RAD52: variants seen among roughly 807,000 people sequenced by gnomAD.
RAD52 encodes DNA repair protein RAD52 homolog.
A neutral mutation model predicts 55.5 loss-of-function variants in RAD52; 47 were observed. That is an observed-to-expected ratio of 0.85 (90% CI 0.67 to 1.08). The LOEUF (loss-of-function observed/expected upper bound fraction) is 1.08. Ranked by LOEUF, RAD52 falls within the 50% of genes least tolerant of loss-of-function variation. The pLI is 0.00. For missense variants in RAD52, 468 were observed against 522.8 expected, an observed-to-expected ratio of 0.90 and a Z score of 1.02; for synonymous variants, 184 against 198.9, an observed-to-expected ratio of 0.92 and a Z score of 0.63.
Position 967,117 on chromosome 12 carries a change from G to T in RAD52, c.-19+22692C>A, listed in dbSNP as rs575961422. On this transcript the variant is annotated intron_variant, in intron 1 of 11. Transcript: ENST00000430095. The stretch of plus-strand genomic sequence containing the variant: ...ATGTGGTCTGGACACAGTGGCTCAT[G>T]CCTATAATCCCAGCACTTTGGAAGG... Among the ~76,000 whole-genome samples, 37 of 152,140 alleles carry T rather than the reference G, an allele frequency of 2.4e-4. No individual in the cohort carries two copies. The East Asian group carries it at 6.6e-3, about 27-fold the overall frequency.
chr12:935,399 T>G (rs939007105), intron 1 of RAD52, among the ~76,000 whole-genome samples: 1 of 123,292 alleles, frequency 8.1e-6, no homozygotes, highest in African/African-American at 2.9e-5. Flanking sequence ...TTTTTTTTTT[T>G]GTAAGCGTTT....
chr12:934,003 G>A lies in RAD52; in HGVS notation c.-18-927C>T, dbSNP rs539526485. Among the ~76,000 whole-genome samples, 4 of 151,344 alleles carry A rather than the reference G, an allele frequency of 2.6e-5. No individual in the cohort carries two copies. The East Asian group carries it at 7.8e-4, about 29-fold the overall frequency. The stretch of plus-strand genomic sequence containing the variant: ...GTGGTGCTATGCTACTTAGGAGGCT[G>A]ATGTGGGAGGATCGCTTGAGCTCAG... On this transcript the variant is annotated intron_variant, in intron 1 of 11. Coordinates refer to ENST00000358495, the MANE Select transcript of RAD52 (RefSeq NM_134424.4).
intron 1 of RAD52, among the ~76,000 whole-genome samples, chr12:986,745 CTT>C (rs373962428): frequency 6.3e-4 from 84 of 133,532 alleles, no homozygotes; most frequent in African/African-American, 5.8e-4. Flanking sequence ...ATCTTCTAAG[CTT>C]TTTTTTTTTT....
Position 914,108 on chromosome 12 carries a change from G to A in RAD52, c.981C>T (p.Asp327=). 6.2e-7 allele frequency: 1 copy of A among 1,613,880 alleles called. No individual in the cohort carries two copies. Among genetic ancestry groups the A allele is most frequent in the Non-Finnish European group, 8.5e-7 (1 of 1,179,758 alleles). Reference sequence around the variant, plus strand: ...GAGTCACAGCCCACTTTTCAGAGTTGTCTTCAAGAGTCTCTACAGAGGTCA... The same window carrying A: ...GAGTCACAGCCCACTTTTCAGAGTTATCTTCAAGAGTCTCTACAGAGGTCA... ...VTQELIKTLE[D]NSEKWAVTPD... Residue 327 remains aspartate (D), a synonymous_variant, in exon 11 of 12, where the codon GAC becomes GAT. Coordinates refer to ENST00000358495, the MANE Select transcript of RAD52 (RefSeq NM_134424.4).
rs1956385698 is a variant in RAD52, at chr12:916,493, A to C, written c.726-10T>G. 1 of 1,606,444 alleles carries C rather than the reference A, an allele frequency of 6.2e-7. No homozygotes were observed. Among genetic ancestry groups the C allele is most frequent in the Admixed American group, 1.7e-5 (1 of 59,876 alleles). On this transcript the variant is annotated splice_polypyrimidine_tract_variant and intron_variant, in intron 8 of 11. Coordinates refer to ENST00000358495, the MANE Select transcript of RAD52 (RefSeq NM_134424.4). ...GGATGAGCTCAGGCTTCTGCATGAG[A>C]GGGCGGCGGCGAGGACGGGCTCCTG...
At chr12:915,700 A>C (rs10849585) in intron 9 of RAD52, among the ~76,000 whole-genome samples, 20,750 of 147,374 alleles carry the variant, frequency 0.14, 1,700 homozygotes, top group Middle Eastern at 0.23. Flanking sequence ...TCTCAGAAAC[A>C]CAAGGCTTGT....
At chr12:981,465 T>C (rs1959014139) in intron 1 of RAD52, among the ~76,000 whole-genome samples, 1 of 152,166 alleles carries the variant, frequency 6.6e-6, no homozygotes, top group African/African-American at 2.4e-5. Flanking sequence ...TGTGAATGTA[T>C]GAAACCAGGC....
chr12:966,696 G>A (rs1042902826), intron 1 of RAD52, among the ~76,000 whole-genome samples: 12 of 151,800 alleles, frequency 7.9e-5, no homozygotes, highest in South Asian at 2.1e-4. Flanking sequence ...ACTTACAATC[G>A]GCTAAGTGCT....
intron 7 of RAD52, among the ~76,000 whole-genome samples, chr12:918,160 C>G (rs1312903349): frequency 1.3e-5 from 2 of 152,148 alleles, no homozygotes; most frequent in African/African-American, 2.4e-5. Context: ...AGAATGCTAA[C>G]AGCATCTCTA....
At chr12:956,804 C>T (rs1958613440) in intron 1 of RAD52, among the ~76,000 whole-genome samples, 3 of 152,322 alleles carry the variant, frequency 2.0e-5, no homozygotes, top group Admixed American at 2.0e-4. Flanking sequence ...ACCTCGGCCT[C>T]CCAAAGTGCT....
intron 2 of RAD52, 145 bp downstream of exon 2, chr12:932,830 A>ACTGCCCCCGCACGCACCACGTC (rs1565673147): frequency 4.9e-6 from 1 of 206,024 alleles, no homozygotes; most frequent in African/African-American, 2.7e-5. Flanking sequence ...CGTACTAGGT[A>ACTGCCCCCGCACGCACCACGTC]AACGTACTAG....
At chr12:987,031 C>T (rs891901287) in intron 1 of RAD52, among the ~76,000 whole-genome samples, 5 of 151,568 alleles carry the variant, frequency 3.3e-5, no homozygotes, top group Non-Finnish European at 7.4e-5. Flanking sequence ...AGCGCAATGG[C>T]ACAATCTCGG....
At chr12:935,101 C>A (rs1957542525) in intron 1 of RAD52, among the ~76,000 whole-genome samples, 1 of 151,958 alleles carries the variant, frequency 6.6e-6, no homozygotes, top group East Asian at 1.9e-4. Context: ...GGTGACAGAA[C>A]AAGACTCCAT....
intron 1 of RAD52, among the ~76,000 whole-genome samples, chr12:958,609 C>A (rs1958642614): frequency 6.6e-6 from 1 of 152,216 alleles, no homozygotes; most frequent in Non-Finnish European, 1.5e-5. Context: ...GAAGAACATG[C>A]AGAACCAGTG....
chr12:932,934 C>G (rs923030106), intron 2 of RAD52, 41 bp downstream of exon 2: 1 of 1,596,564 alleles, frequency 6.3e-7, no homozygotes, highest in African/African-American at 1.3e-5. Flanking sequence ...ACTTTACTCA[C>G]TTCACCTCAT....
upstream of RAD52, among the ~76,000 whole-genome samples, chr12:952,181 C>T (rs182808744): frequency 6.6e-6 from 1 of 152,208 alleles, no homozygotes; most frequent in Admixed American, 6.5e-5. Context: ...TCAGGCTGGT[C>T]TTGAACTCCT....
intron 1 of RAD52, among the ~76,000 whole-genome samples, chr12:985,662 C>G (rs1336302417): frequency 3.9e-5 from 6 of 152,108 alleles, no homozygotes; most frequent in Admixed American, 3.9e-4. Context: ...GTTCAAGCAC[C>G]ACTTTTTTTA....
At chr12:973,425 G>T (rs1958894710) in intron 1 of RAD52, among the ~76,000 whole-genome samples, 1 of 151,952 alleles carries the variant, frequency 6.6e-6, no homozygotes, top group African/African-American at 2.4e-5. Context: ...GTGTAGTAAT[G>T]ATACAGATGA....
chr12:974,331 A>C (rs531316827), intron 1 of RAD52: 1 of 152,308 alleles, frequency 6.6e-6, no homozygotes, highest in Admixed American at 6.5e-5. Flanking sequence ...CAGTCATGAA[A>C]AACAAGACAA....
Sources: allele counts gnomAD v4.1 joint callset (sites outside exome capture counted in the v4.1 genomes callset), GRCh38; gene constraint gnomAD v4.1.1; transcripts MANE v1.5; gene names NCBI Gene and HGNC (gene_info 2026-07-23, HGNC 2026-07-21).